NEAT1: variants seen among roughly 807,000 people sequenced by gnomAD.
NEAT1 encodes the protein nuclear paraspeckle assembly transcript 1, also known as MENepsilon/beta.
Position 65,443,931 on chromosome 11 carries a change from T to A in NEAT1, n.21134T>A, listed in dbSNP as rs530772317. The A allele has an allele frequency of 7.5e-4, 119 of 159,126 alleles. 1 individual carries two copies. In the South Asian group the frequency reaches 0.018, roughly 23 times the overall value. 9.9% of individuals were successfully genotyped at this position (159,126 alleles called of 1,614,324 possible). ...TTCTGTTGCTAACACGCTGAATTAA[T>A]TCTTTGCTCATCTTACAGAGTGTGT... On this transcript the variant is annotated non_coding_transcript_exon_variant, in exon 1 of 1. Transcript: ENST00000501122.
chr11:65,433,394 C>T (rs1280298747), exon 1 of NEAT1: 8 of 152,274 alleles, frequency 5.3e-5, no homozygotes. Context: ...AATATTCTCT[C>T]TGTTGGAACT....
At chr11:65,442,997 T>G (rs891433191) in exon 1 of NEAT1, 13 of 152,270 alleles carry the variant, frequency 8.5e-5, no homozygotes, top group Non-Finnish European at 5.9e-5. Flanking sequence ...TTTCTGCTTT[T>G]TTAAATGTGT....
At chr11:65,432,687 T>TGTGTGTGTA (rs1192216229) in exon 1 of NEAT1, 2 of 139,524 alleles carry the variant, frequency 1.4e-5, no homozygotes, top group African/African-American at 5.6e-5. Context: ...TGTGTGTGTA[T>TGTGTGTGTA]TTTTTTTTTT....
At chr11:65,426,118 G>T (rs1423951219) in exon 1 of NEAT1, 1 of 152,066 alleles carries the variant, frequency 6.6e-6, no homozygotes, top group African/African-American at 2.4e-5. Flanking sequence ...TGCGTCTATT[G>T]AATTGGTAAA....
exon 1 of NEAT1, chr11:65,437,211 G>GTATATATATATATATATGTATA (rs1286070443): frequency 2.5e-5 from 3 of 120,356 alleles, no homozygotes; most frequent in African/African-American, 1.0e-4. Context: ...ATATATATAT[G>GTATATATATATATATATGTATA]TATATATATA....
exon 1 of NEAT1, chr11:65,427,114 CGT>C (rs1338061505): frequency 6.6e-6 from 1 of 152,232 alleles, no homozygotes; most frequent in African/African-American, 2.4e-5. Flanking sequence ...AGCAGGATCA[CGT>C]GGAATCTGGA....
exon 1 of NEAT1, chr11:65,439,227 G>A (rs1239266704): frequency 1.3e-5 from 2 of 152,066 alleles, no homozygotes; most frequent in African/African-American, 2.4e-5. Context: ...TTTTAATTAG[G>A]CGTTTGTCTT....
chr11:65,439,783 T>A (rs898445349), exon 1 of NEAT1: 2 of 150,606 alleles, frequency 1.3e-5, no homozygotes, highest in African/African-American at 4.9e-5. Context: ...TTGGGGGGGG[T>A]GTCCCCTATC....
rs66756887 is a variant in NEAT1 at position 65,444,263 on chromosome 11, C to CTGTGTG, written n.21520_21525dup. The CTGTGTG allele has an allele frequency of 1.8e-3, 456 of 254,862 alleles. 1 individual carries two copies. Among genetic ancestry groups the CTGTGTG allele is most frequent in the South Asian group, 2.3e-3 (78 of 34,560 alleles). 15.8% of individuals were successfully genotyped at this position (254,862 alleles called of 1,614,324 possible). ...CGGAGCCCACCTGGTAGTCCTCAGA[C>CTGTGTG]TGTGTGTGTGTGTGTGTGTGTGTGT... On this transcript the variant is annotated non_coding_transcript_exon_variant, in exon 1 of 1. Transcript: ENST00000501122.
exon 1 of NEAT1, chr11:65,444,652 G>A (rs1346166312): frequency 1.3e-5 from 5 of 388,228 alleles, no homozygotes; most frequent in African/African-American, 6.4e-5. Context: ...GCTGTGGACC[G>A]TGGATCCTGA....
At chr11:65,424,719 T>C (rs1197307078) in exon 1 of NEAT1, 1 of 152,242 alleles carries the variant, frequency 6.6e-6, no homozygotes, top group East Asian at 1.9e-4. Flanking sequence ...GTTTGGGCAT[T>C]GTGATTGCAT....
At chr11:65,422,810 A>T (rs1459717440) in exon 1 of NEAT1, 1 of 152,888 alleles carries the variant, frequency 6.5e-6, no homozygotes, top group South Asian at 2.1e-4. Context: ...AGTTAGCGAC[A>T]GGGAGGGATG....
chr11:65,433,107 G>A (rs948326856), exon 1 of NEAT1: 10 of 151,770 alleles, frequency 6.6e-5, no homozygotes, highest in African/African-American at 2.4e-4. Flanking sequence ...CCACTCACTG[G>A]TTGATGGGTT....
At chr11:65,424,125 T>C (rs527392764) in exon 1 of NEAT1, 7 of 152,396 alleles carry the variant, frequency 4.6e-5, no homozygotes, top group African/African-American at 1.4e-4. Flanking sequence ...TCCAATGTTC[T>C]GTTTCCAGGC....
At chr11:65,437,228 CATATAT>C (rs377012577) in exon 1 of NEAT1, 2 of 129,288 alleles carry the variant, frequency 1.5e-5, no homozygotes, top group Non-Finnish European at 3.2e-5. Flanking sequence ...TATATATATA[CATATAT>C]ATATACATAT....
exon 1 of NEAT1, chr11:65,428,699 T>C (rs999838807): frequency 6.6e-6 from 1 of 152,166 alleles, no homozygotes; most frequent in African/African-American, 2.4e-5. Context: ...GGCTGTGAAC[T>C]TCCTCTGAGT....
exon 1 of NEAT1, chr11:65,442,295 T>C (rs543607495): frequency 6.6e-6 from 1 of 152,282 alleles, no homozygotes; most frequent in East Asian, 1.9e-4. Context: ...TTAAGGGCAG[T>C]TGTGACAGTT....
exon 1 of NEAT1, chr11:65,443,613 C>T (rs1036234967): frequency 2.0e-5 from 3 of 152,148 alleles, no homozygotes; most frequent in African/African-American, 2.4e-5. Context: ...CCATGTGGGC[C>T]GGCACCAGCA....
exon 1 of NEAT1, chr11:65,430,348 A>G (rs892432202): frequency 6.6e-6 from 1 of 152,192 alleles, no homozygotes; most frequent in African/African-American, 2.4e-5. Context: ...CAGCATGTAT[A>G]TTCTGGTCTG....
Sources: allele counts gnomAD v4.1 joint callset, GRCh38; gene constraint gnomAD v4.1.1; transcripts MANE v1.5; gene names NCBI Gene and HGNC (gene_info 2026-07-23, HGNC 2026-07-21).